The following TRAPPC8 variants were observed in gnomAD, a reference collection of about 807,000 sequenced individuals.
The protein encoded by TRAPPC8 is general sporulation gene 1 homolog.
TRAPPC8 carries 54 observed loss-of-function variants against 174.3 expected under a neutral mutation model. That is an observed-to-expected ratio of 0.31 (90% CI 0.25 to 0.39). TRAPPC8 has a LOEUF of 0.39. Ranked by LOEUF, TRAPPC8 falls within the 10% of genes least tolerant of loss-of-function variation. The pLI is 1.00. For missense variants in TRAPPC8, 1,531 were observed against 1,699.1 expected (o/e 0.90, Z 1.74); for synonymous variants, 630 against 579.9 (o/e 1.09, Z -1.24).
chr18:31,851,427 G>A (rs1286484706), intron 24 of TRAPPC8, among the ~76,000 whole-genome samples: 1 of 152,082 alleles, frequency 6.6e-6, no homozygotes, highest in Non-Finnish European at 1.5e-5. Context: ...AAGTCCTGTG[G>A]AATCAGAATT....
chr18:31,857,753 C>T lies in TRAPPC8; in HGVS notation c.2975G>A (p.Cys992Tyr). 6.2e-7 allele frequency: 1 copy of T among 1,614,150 alleles called. No individual in the cohort carries two copies. Among genetic ancestry groups the T allele is most frequent in the East Asian group, 2.2e-5 (1 of 44,876 alleles). ...AGAAGCTGATGATATGAGTGCTGTA[C>T]ACACAGAGGTAGCATCTGTCACAAC... ...KTVVTDATSV[C>Y]TALISSASSV... The change falls in exon 20 of 29, where the codon TGT becomes TAT. Residue 992 changes from cysteine to tyrosine, a missense_variant. Transcript: ENST00000283351.
At chr18:31,914,094 T>C (rs1353434912) in intron 4 of TRAPPC8, among the ~76,000 whole-genome samples, 1 of 137,186 alleles carries the variant, frequency 7.3e-6, no homozygotes, top group Non-Finnish European at 1.5e-5. Flanking sequence ...GCCCAGGCAC[T>C]GCACTCTAGC....
intron 1 of TRAPPC8, among the ~76,000 whole-genome samples, chr18:31,933,020 A>AAAAAAG (rs1568153937): frequency 1.3e-4 from 17 of 128,942 alleles, no homozygotes; most frequent in African/African-American, 4.9e-4. Context: ...AAAAAAAAAA[A>AAAAAAG]GCCGGGCGCA....
chr18:31,864,871 G>C, intron 18 of TRAPPC8, 90 bp from the exon 19 acceptor site: 1 of 1,162,376 alleles, frequency 8.6e-7, no homozygotes, highest in Middle Eastern at 2.0e-4. Context: ...GTAAGTTTCA[G>C]ATTATTTCTA....
chr18:31,926,042 A>G (rs1365558578), intron 2 of TRAPPC8, among the ~76,000 whole-genome samples: 2 of 152,226 alleles, frequency 1.3e-5, no homozygotes, highest in East Asian at 1.9e-4. Context: ...GGAAATCCTC[A>G]GGATGACAGC....
At chr18:31,912,329 A>G (rs1344601175) in intron 5 of TRAPPC8, among the ~76,000 whole-genome samples, 1 of 152,152 alleles carries the variant, frequency 6.6e-6, no homozygotes, top group Non-Finnish European at 1.5e-5. Context: ...TCTCTCTGCT[A>G]AAAATACAAA....
chr18:31,930,551 C>T (rs983146768), intron 2 of TRAPPC8, among the ~76,000 whole-genome samples: 1 of 151,888 alleles, frequency 6.6e-6, no homozygotes, highest in African/African-American at 2.4e-5. Flanking sequence ...GAATATTTTC[C>T]CTCTAAAATA....
At chr18:31,853,979 T>G (rs1267160331) in intron 21 of TRAPPC8, 34 bp from the exon 22 acceptor site, 1 of 1,506,024 alleles carries the variant, frequency 6.6e-7, no homozygotes, top group Admixed American at 1.8e-5. Flanking sequence ...CATTCAGGAT[T>G]TAGAAGCACT....
chr18:31,908,545 T>C, intron 7 of TRAPPC8, 127 bp from the exon 8 acceptor site: 1 of 861,372 alleles, frequency 1.2e-6, no homozygotes, highest in Non-Finnish European at 1.7e-6. Flanking sequence ...TAAAGAAAAC[T>C]GTCCAATATG....
rs889124907 is a variant in TRAPPC8 at position 31,942,871 on chromosome 18, C to T, written c.-107G>A. 2.4e-6 allele frequency: 3 copies of T among 1,254,388 alleles called. No individual in the cohort carries two copies. Among genetic ancestry groups the T allele is most frequent in the South Asian group, 6.5e-5 (2 of 30,748 alleles). 77.7% of individuals were successfully genotyped at this position (1,254,388 alleles called of 1,614,324 possible). A position where few individuals can be genotyped will look rare whatever the true frequency, so the allele number is the denominator to read the frequency against. On this transcript the variant is annotated 5_prime_UTR_variant, in exon 1 of 29. Coordinates refer to ENST00000283351, the MANE Select transcript of TRAPPC8 (RefSeq NM_014939.5). ...CGCCCGCCGGCCTGGCCCGGCCGGGCGGGGCCCCGAACGCACTGGAGCCTA... is the reference window on the plus strand; with the variant it reads ...CGCCCGCCGGCCTGGCCCGGCCGGGTGGGGCCCCGAACGCACTGGAGCCTA...
chr18:31,839,284 A>T, intron 27 of TRAPPC8, 28 bp downstream of exon 27: 1 of 1,585,384 alleles, frequency 6.3e-7, no homozygotes, highest in Non-Finnish European at 8.6e-7. Context: ...GTTGTAGAAA[A>T]TTTTGGTAAC....
chr18:31,930,360 T>C (rs2037797059), intron 2 of TRAPPC8, among the ~76,000 whole-genome samples: 1 of 152,102 alleles, frequency 6.6e-6, no homozygotes, highest in South Asian at 2.1e-4. Context: ...CCTCAAGTGA[T>C]CCGCCTGCCT....
chr18:31,859,866 A>C (rs1352781688), intron 19 of TRAPPC8, among the ~76,000 whole-genome samples: 14 of 152,084 alleles, frequency 9.2e-5, no homozygotes, highest in Admixed American at 7.2e-4. Flanking sequence ...AAATACAAAA[A>C]TTAGCCAGGC....
intron 5 of TRAPPC8, among the ~76,000 whole-genome samples, chr18:31,911,003 T>A (rs972060879): frequency 6.6e-6 from 1 of 152,214 alleles, no homozygotes; most frequent in African/African-American, 2.4e-5. Flanking sequence ...ACGTCAGTAA[T>A]CACCTCAATA....
intron 21 of TRAPPC8, 94 bp from the exon 22 acceptor site, chr18:31,854,039 C>A: frequency 1.1e-6 from 1 of 910,532 alleles, no homozygotes; most frequent in South Asian, 1.6e-5. Flanking sequence ...CTACCAAAGT[C>A]AATGTCAATT....
chr18:31,921,553 T>C (rs948876824), intron 2 of TRAPPC8, among the ~76,000 whole-genome samples: 2 of 151,134 alleles, frequency 1.3e-5, no homozygotes, highest in Non-Finnish European at 2.9e-5. Context: ...GAGGTGGAGG[T>C]TGCAGTGAGC....
chr18:31,871,448 A>G (rs1290771494), intron 14 of TRAPPC8, among the ~76,000 whole-genome samples: 1 of 152,006 alleles, frequency 6.6e-6, no homozygotes, highest in Non-Finnish European at 1.5e-5. Flanking sequence ...AACAAATGTC[A>G]ACTTTCACCT....
chr18:31,904,218 A>C (rs1392513345), intron 9 of TRAPPC8, among the ~76,000 whole-genome samples: 1 of 151,790 alleles, frequency 6.6e-6, no homozygotes, highest in African/African-American at 2.4e-5. Flanking sequence ...CCTGGGCAAC[A>C]GAGCAAGACC....
intron 1 of TRAPPC8, among the ~76,000 whole-genome samples, chr18:31,937,275 A>G (rs1040332464): frequency 6.6e-6 from 1 of 152,220 alleles, no homozygotes; most frequent in African/African-American, 2.4e-5. Flanking sequence ...TCGCGCCTGT[A>G]ATCAAAGCAC....
Sources: allele counts gnomAD v4.1 joint callset (sites outside exome capture counted in the v4.1 genomes callset), GRCh38; gene constraint gnomAD v4.1.1; transcripts MANE v1.5; gene names NCBI Gene and HGNC (gene_info 2026-07-23, HGNC 2026-07-21).